PICALM: variants seen among roughly 807,000 people sequenced by gnomAD.
The protein encoded by PICALM is phosphatidylinositol-binding clathrin assembly protein.
Under a neutral mutation model 80.5 loss-of-function variants are expected in PICALM, and 40 were observed. That is an observed-to-expected ratio of 0.50 (90% CI 0.39 to 0.65). The LOEUF is 0.65. Ranked by LOEUF, PICALM falls within the 30% of genes least tolerant of loss-of-function variation. The probability of loss-of-function intolerance (pLI) is 0.00; values close to 1 mark genes in which losing one functional copy is unlikely to be tolerated. For missense variants in PICALM, 676 were observed against 778.9 expected (o/e 0.87, Z 1.57); for synonymous variants, 288 against 260.3 (o/e 1.11, Z -1.02).
chr11:86,067,284 A>G (rs974677237), intron 1 of PICALM, among the ~76,000 whole-genome samples: 1 of 152,358 alleles, frequency 6.6e-6, no homozygotes, highest in Middle Eastern at 3.4e-3. Context: ...TTCAAACAGT[A>G]AAACAAAGTA....
chr11:86,053,954 T>G (rs1460990227), intron 1 of PICALM, among the ~76,000 whole-genome samples: 3 of 152,220 alleles, frequency 2.0e-5, no homozygotes, highest in African/African-American at 4.8e-5. Context: ...TAAAAGTCAC[T>G]AATTAAATCA....
intron 2 of PICALM, among the ~76,000 whole-genome samples, chr11:86,029,237 G>A (rs1482325813): frequency 1.3e-5 from 2 of 151,354 alleles, no homozygotes. Flanking sequence ...GTCCCCTAAG[G>A]GAAAAAAAAA....
At chr11:86,065,948 T>C (rs1474027154) in intron 1 of PICALM, among the ~76,000 whole-genome samples, 1 of 152,178 alleles carries the variant, frequency 6.6e-6, no homozygotes, top group African/African-American at 2.4e-5. Context: ...CCTAAGCATA[T>C]TTTTTGTTAA....
chr11:86,043,628 G>A (rs546597602), intron 1 of PICALM, among the ~76,000 whole-genome samples: 2 of 152,192 alleles, frequency 1.3e-5, no homozygotes, highest in East Asian at 1.9e-4. Flanking sequence ...GTGACACAGC[G>A]CCTTATACAT....
chr11:86,063,178 AAT>A (rs1245001449), intron 1 of PICALM, among the ~76,000 whole-genome samples: 7 of 152,246 alleles, frequency 4.6e-5, no homozygotes, highest in African/African-American at 1.7e-4. Context: ...TGATTATTAA[AAT>A]AGATTATTTT....
intron 1 of PICALM, among the ~76,000 whole-genome samples, chr11:86,037,676 A>T (rs1565504819): frequency 6.7e-6 from 1 of 149,338 alleles, no homozygotes; most frequent in Non-Finnish European, 1.5e-5. Context: ...TCCAACTTGG[A>T]TAACACAGCA....
upstream of PICALM, chr11:86,069,852 C>G (rs773856983): frequency 1.3e-5 from 2 of 152,226 alleles, no homozygotes; most frequent in Non-Finnish European, 2.9e-5. Context: ...TATTCATTCT[C>G]TAGGGTGTGG....
Position 86,011,151 on chromosome 11 carries a change from G to A in PICALM, c.659-15C>T. On this transcript the variant is annotated splice_polypyrimidine_tract_variant and intron_variant, in intron 6 of 19. Transcript: ENST00000393346. ...AAAATATTTTTCTGACAAAATAAAT[G>A]TAAAAATTCTTTTGTTCACATCAAA... is the stretch of plus-strand genomic sequence containing the variant. 1 of 1,133,878 alleles carries A rather than the reference G, an allele frequency of 8.8e-7. No individual in the cohort carries two copies. Among genetic ancestry groups the A allele is most frequent in the Non-Finnish European group, 1.3e-6 (1 of 772,600 alleles). The allele number at this position is 1,133,878 out of a possible 1,614,324, so 70.2% of individuals were successfully genotyped here. A position where few individuals can be genotyped will look rare whatever the true frequency, so the allele number is the denominator to read the frequency against.
Position 86,025,349 on chromosome 11 carries a change from A to G in PICALM, c.349+943T>C, listed in dbSNP as rs537249134. Reference sequence around the variant, plus strand: ...CGGGAGGCGGAGGTTGCAGTGAGCCAAGATCATGCCACTGCACTCCAGCCT... The same window carrying G: ...CGGGAGGCGGAGGTTGCAGTGAGCCGAGATCATGCCACTGCACTCCAGCCT... On this transcript the variant is annotated intron_variant, in intron 3 of 19. Coordinates refer to ENST00000393346, the MANE Select transcript of PICALM (RefSeq NM_007166.4). 6.3e-3 allele frequency among the ~76,000 whole-genome samples: 959 copies of G among 151,760 alleles called. 10 individuals are homozygous for G. Among genetic ancestry groups the G allele is most frequent in the African/African-American group, 0.022 (926 of 41,424 alleles).
chr11:85,967,412 T>C (rs1032623510), intron 19 of PICALM, among the ~76,000 whole-genome samples: 2 of 152,260 alleles, frequency 1.3e-5, no homozygotes, highest in African/African-American at 4.8e-5. Context: ...AAAAACCTAG[T>C]AATAAGCAAG....
At chr11:86,055,191 G>A (rs926125349) in intron 1 of PICALM, among the ~76,000 whole-genome samples, 4 of 151,794 alleles carry the variant, frequency 2.6e-5, no homozygotes, top group East Asian at 1.9e-4. Flanking sequence ...TTAGCCAGGC[G>A]TGGTGGCACA....
chr11:85,961,855 CTATT>C (rs34885729), intron 19 of PICALM, among the ~76,000 whole-genome samples: 29,385 of 149,384 alleles, frequency 0.2, 3,006 homozygotes, highest in East Asian at 0.47. Context: ...TTCTTTCTAC[CTATT>C]TATTTATTTA....
intron 4 of PICALM, among the ~76,000 whole-genome samples, chr11:86,017,085 C>T (rs1470001333): frequency 6.6e-6 from 1 of 151,960 alleles, no homozygotes; most frequent in African/African-American, 2.4e-5. Context: ...TAGCCGGGCA[C>T]AGTGGCATGC....
chr11:85,996,087 C>T (rs1463682498), intron 12 of PICALM, among the ~76,000 whole-genome samples: 1 of 152,120 alleles, frequency 6.6e-6, no homozygotes, highest in Admixed American at 6.5e-5. Flanking sequence ...CTTCACAGAG[C>T]TTACTTTCTA....
At chr11:85,981,817 A>G (rs1565274997) in intron 15 of PICALM, 42 bp from the exon 16 acceptor site, 1 of 1,611,188 alleles carries the variant, frequency 6.2e-7, no homozygotes, top group Non-Finnish European at 8.5e-7. Flanking sequence ...ATAACACGAG[A>G]CGCAGTTTAA....
At chr11:85,977,018 T>C (rs2094303999) in intron 17 of PICALM, 8 of 162,484 alleles carry the variant, frequency 4.9e-5, no homozygotes, top group Admixed American at 4.5e-4. Flanking sequence ...TTAAAGCCTA[T>C]CACTATCATT....
At chr11:86,047,886 G>C (rs2096103531) in intron 1 of PICALM, among the ~76,000 whole-genome samples, 1 of 151,906 alleles carries the variant, frequency 6.6e-6, no homozygotes, top group Non-Finnish European at 1.5e-5. Flanking sequence ...GATCACCTGA[G>C]GTCAGGAGTT....
Position 85,982,132 on chromosome 11 carries a change from A to T in PICALM, c.1517-129T>A, listed in dbSNP as rs140278554. ...AGTTATCCAAAAAATAGACATTAGT[A>T]AATGTCTTTAAATGGAAAATGAAGA... On this transcript the variant is annotated intron_variant, in intron 14 of 19. Coordinates refer to ENST00000393346, the MANE Select transcript of PICALM (RefSeq NM_007166.4). The T allele has an allele frequency of 1.2e-3, 875 of 709,268 alleles. 6 individuals carry two copies. The African/African-American group carries it at 0.015, about 12-fold the overall frequency. 43.9% of individuals were successfully genotyped at this position (709,268 alleles called of 1,614,324 possible).
At chr11:85,998,971 T>C (rs921824965) in intron 11 of PICALM, among the ~76,000 whole-genome samples, 5 of 152,218 alleles carry the variant, frequency 3.3e-5, no homozygotes, top group African/African-American at 1.2e-4. Context: ...TTTTTCTTTT[T>C]AAATGGATAT....
Sources: gnomAD v4.1 joint callset for allele counts (sites outside exome capture counted in the v4.1 genomes callset) on GRCh38, gnomAD v4.1.1 for gene constraint, MANE v1.5 for transcripts, NCBI Gene and HGNC (gene_info 2026-07-23, HGNC 2026-07-21) for gene names.